WDFY2: variants seen among roughly 807,000 people sequenced by gnomAD.
WDFY2 encodes WD repeat and FYVE domain-containing protein 2.
A neutral mutation model predicts 56.4 loss-of-function variants in WDFY2; 36 were observed. The observed-to-expected ratio is 0.64, with a 90% CI of 0.49 to 0.84. The LOEUF (loss-of-function observed/expected upper bound fraction) is 0.84, where lower values mean the gene tolerates loss of function less well. Ranked by LOEUF, WDFY2 falls within the 40% of genes least tolerant of loss-of-function variation. The pLI is 0.00. For synonymous variants in WDFY2, 176 were observed against 183.7 expected, an observed-to-expected ratio of 0.96 and a Z score of 0.34; for missense variants, 444 against 512.2, an observed-to-expected ratio of 0.87 and a Z score of 1.29.
chr13:51,745,688 TC>T (rs1033604912), intron 7 of WDFY2, among the ~76,000 whole-genome samples: 3 of 143,480 alleles, frequency 2.1e-5, no homozygotes, highest in African/African-American at 7.9e-5. Context: ...TGACTGTGCT[TC>T]CCCCCTCCTC....
chr13:51,754,696 C>G (rs1365109953), intron 8 of WDFY2, among the ~76,000 whole-genome samples: 2 of 152,090 alleles, frequency 1.3e-5, no homozygotes, highest in African/African-American at 4.8e-5. Context: ...CTTGTTATTT[C>G]CGTATTGATT....
chr13:51,604,991 C>T (rs1056282173), intron 1 of WDFY2, among the ~76,000 whole-genome samples: 3 of 152,332 alleles, frequency 2.0e-5, no homozygotes, highest in Middle Eastern at 3.4e-3. Flanking sequence ...ACTTAAGGCT[C>T]AGTTTCCTAG....
chr13:51,676,379 C>T (rs538900086), intron 3 of WDFY2, among the ~76,000 whole-genome samples: 26 of 152,250 alleles, frequency 1.7e-4, no homozygotes, highest in Middle Eastern at 3.4e-3. Context: ...CACAATATGG[C>T]GTGGAACTTA....
chr13:51,637,757 A>G (rs541755334), intron 1 of WDFY2, among the ~76,000 whole-genome samples: 1 of 152,352 alleles, frequency 6.6e-6, no homozygotes, highest in South Asian at 2.1e-4. Context: ...AGGATAAAAA[A>G]GATAATGGGG....
intron 1 of WDFY2, among the ~76,000 whole-genome samples, chr13:51,658,731 T>C (rs1955558349): frequency 1.3e-5 from 2 of 152,324 alleles, no homozygotes; most frequent in South Asian, 4.1e-4. Flanking sequence ...ATTAGCAGTA[T>C]GTGTATGCAT....
chr13:51,632,989 T>A (rs1451858585), intron 1 of WDFY2, among the ~76,000 whole-genome samples: 1 of 152,250 alleles, frequency 6.6e-6, no homozygotes, highest in Non-Finnish European at 1.5e-5. Flanking sequence ...ATTTTTTTTA[T>A]CTGCAGCTTA....
chr13:51,749,764 G>A lies in WDFY2; in HGVS notation c.726-1546G>A, dbSNP rs1462930566. On this transcript the variant is annotated intron_variant, in intron 7 of 11. Coordinates refer to ENST00000298125, the MANE Select transcript of WDFY2 (RefSeq NM_052950.4). ...TTCTAACTTACTTAGAAATTATCTA[G>A]GTATCCAATGATTATTGATTAGCTC... Among the ~76,000 whole-genome samples the A allele has an allele frequency of 1.5e-3, 221 of 152,108 alleles. 2 individuals carry two copies. Among genetic ancestry groups the A allele is most frequent in the African/African-American group, 5.2e-3 (215 of 41,506 alleles).
intron 7 of WDFY2, among the ~76,000 whole-genome samples, chr13:51,744,371 G>A (rs1953046344): frequency 6.6e-6 from 1 of 152,194 alleles, no homozygotes; most frequent in Non-Finnish European, 1.5e-5. Context: ...CTCTAAAAAG[G>A]ATAAGGTCTT....
chr13:51,701,160 A>C (rs1951976800), intron 3 of WDFY2, among the ~76,000 whole-genome samples: 1 of 152,208 alleles, frequency 6.6e-6, no homozygotes, highest in South Asian at 2.1e-4. Context: ...AAATGGTATC[A>C]CAAGGGATTT....
At chr13:51,663,068 G>A (rs538200010) in intron 2 of WDFY2, among the ~76,000 whole-genome samples, 7 of 152,216 alleles carry the variant, frequency 4.6e-5, no homozygotes, top group South Asian at 2.1e-4. Context: ...AGGCCAAGGC[G>A]GGAGGATTTT....
At chr13:51,758,137 T>C (rs940453833) in intron 10 of WDFY2, 55 bp from the exon 11 acceptor site, 27 of 1,412,624 alleles carry the variant, frequency 1.9e-5, no homozygotes, top group Non-Finnish European at 2.6e-5. Flanking sequence ...CCTAGATCTC[T>C]CTCATTCATA....
chr13:51,736,608 T>G (rs1277010111), intron 6 of WDFY2, among the ~76,000 whole-genome samples: 1 of 152,202 alleles, frequency 6.6e-6, no homozygotes, highest in Non-Finnish European at 1.5e-5. Context: ...TTCTTCTGCC[T>G]CAGCCTCCCA....
At chr13:51,699,934 G>A (rs1041654017) in intron 3 of WDFY2, among the ~76,000 whole-genome samples, 5 of 152,184 alleles carry the variant, frequency 3.3e-5, no homozygotes, top group Admixed American at 2.6e-4. Flanking sequence ...AAAATGTGAA[G>A]TACTTGAATA....
At chr13:51,712,828 T>A (rs1298199322) in intron 4 of WDFY2, among the ~76,000 whole-genome samples, 2 of 152,084 alleles carry the variant, frequency 1.3e-5, no homozygotes, top group South Asian at 2.1e-4. Context: ...ATTTAAAGGA[T>A]AATATGTAAT....
At chr13:51,607,506 C>T (rs1173081376) in intron 1 of WDFY2, among the ~76,000 whole-genome samples, 3 of 151,888 alleles carry the variant, frequency 2.0e-5, no homozygotes, top group African/African-American at 4.8e-5. Context: ...GCAAACAATC[C>T]ACCATGATAT....
chr13:51,670,952 T>C (rs1955796982), intron 2 of WDFY2, among the ~76,000 whole-genome samples: 1 of 152,338 alleles, frequency 6.6e-6, no homozygotes, highest in Admixed American at 6.5e-5. Flanking sequence ...CTCCCACTTA[T>C]GAGTAAGAAC....
intron 1 of WDFY2, among the ~76,000 whole-genome samples, chr13:51,609,826 T>C (rs2138332169): frequency 6.6e-6 from 1 of 152,228 alleles, no homozygotes; most frequent in Non-Finnish European, 1.5e-5. Flanking sequence ...CCCATCTTTA[T>C]CTTTAAAAGC....
At chr13:51,732,974 A>G (rs936859243) in intron 6 of WDFY2, among the ~76,000 whole-genome samples, 1 of 152,204 alleles carries the variant, frequency 6.6e-6, no homozygotes, top group African/African-American at 2.4e-5. Context: ...CTTCTTTGGA[A>G]GCAAATAATA....
At chr13:51,590,905 A>G (rs545146913) in intron 1 of WDFY2, 1 of 152,324 alleles carries the variant, frequency 6.6e-6, no homozygotes, top group Non-Finnish European at 1.5e-5. Flanking sequence ...CAGAAGTATG[A>G]GAAACTAACC....
Sources: allele counts gnomAD v4.1 joint callset (sites outside exome capture counted in the v4.1 genomes callset), GRCh38; gene constraint gnomAD v4.1.1; transcripts MANE v1.5; gene names NCBI Gene and HGNC (gene_info 2026-07-23, HGNC 2026-07-21).